Variants in RNF19A observed in about 807,000 individuals in gnomAD.
The protein encoded by RNF19A is ring finger protein 19A, RBR E3 ubiquitin protein ligase.
A neutral mutation model predicts 75.7 loss-of-function variants in RNF19A; 32 were observed. The ratio of observed to expected loss-of-function variants is 0.42; its 90% CI spans 0.32 to 0.57. RNF19A has a LOEUF of 0.57. RNF19A is among the 20% of genes least tolerant of loss of function. RNF19A has a pLI of 0.10. For synonymous variants in RNF19A, 335 were observed against 345.2 expected, an observed-to-expected ratio of 0.97 and a Z score of 0.33; for missense variants, 782 against 1,036.3, an observed-to-expected ratio of 0.75 and a Z score of 3.37.
chr8:100,286,644 T>C lies in RNF19A; in HGVS notation c.674+857A>G, dbSNP rs73282728. 5.1e-3 allele frequency among the ~76,000 whole-genome samples: 783 copies of C among 152,276 alleles called. 10 individuals carry two copies. Among genetic ancestry groups the C allele is most frequent in the African/African-American group, 0.018 (766 of 41,528 alleles). ...TTGATTCAGGTAATGAGTCTTGAAGTTGTAATTTGATAAATGAAACTCACA... is the reference window on the plus strand; with the variant it reads ...TTGATTCAGGTAATGAGTCTTGAAGCTGTAATTTGATAAATGAAACTCACA... On this transcript the variant is annotated intron_variant, in intron 2 of 9. Transcript: ENST00000341084.
intron 7 of RNF19A, among the ~76,000 whole-genome samples, chr8:100,262,558 A>C (rs965266315): frequency 6.6e-6 from 1 of 152,158 alleles, no homozygotes; most frequent in Non-Finnish European, 1.5e-5. Context: ...GCTCAGAGAC[A>C]TAGTTGGGGC....
In RNF19A at chr8:100,275,843, T is replaced by C. The variant is rs753443414; in HGVS notation, c.675-682A>G. 2.5e-4 allele frequency among the ~76,000 whole-genome samples: 38 copies of C among 152,354 alleles called. No homozygotes were observed. The Middle Eastern group carries it at 0.01, about 41-fold the overall frequency. On this transcript the variant is annotated intron_variant, in intron 2 of 9. Transcript: ENST00000341084. This position sits in a 1 kb window ranked among gnomAD's most constrained non-coding sequence, Gnocchi z 4.3. ...TAGGTTAGTTTTAACTGTCAGGTAA[T>C]GGCATACTGTGCCAATTTATAAATT...
Position 100,258,636 on chromosome 8 carries a change from C to T in RNF19A, c.2437G>A (p.Gly813Ser). Residue 813 changes from glycine (G) to serine (S), a missense_variant, in exon 10 of 10, where the codon GGC (glycine) becomes AGC (serine). Gly to Ser is a moderately conservative substitution (Grantham distance 56). This residue lies in a region of RNF19A where 442 missense variants were observed against 541.6 expected (regional missense o/e 0.82). Coordinates refer to ENST00000341084, the MANE Select transcript of RNF19A (RefSeq NM_183419.4). The surrounding 1 kb of genome is among the most constrained non-coding windows in gnomAD (Gnocchi z 4.3). ...GIKPNVDLYF[G>S]DALKETNNNH... ...TTATTTGTTTCTTTTAGTGCATCGC[C>T]AAAATATAAATCAACATTAGGTTTT... The T allele has an allele frequency of 6.2e-7, 1 of 1,613,978 alleles. No individual in the cohort carries two copies. Among genetic ancestry groups the T allele is most frequent in the South Asian group, 1.1e-5 (1 of 91,046 alleles).
In RNF19A at chr8:100,264,052, C is replaced by T; in HGVS notation, c.1450G>A (p.Gly484Arg). Residue 484 changes from glycine to arginine, a missense_variant, in exon 7 of 10, where the codon GGA becomes AGA. Physicochemically the swap from Gly to Arg is moderately radical, Grantham distance 125. This residue lies in a region of RNF19A where 442 missense variants were observed against 541.6 expected (regional missense o/e 0.82). Transcript: ENST00000341084. This position sits in a 1 kb window ranked among gnomAD's most constrained non-coding sequence, Gnocchi z 4.7. Reference protein sequence around the residue: ...FDDENDINVGGTNTAVDTTSV... With the variant: ...FDDENDINVGRTNTAVDTTSV... ...GACTTACCTACAGCTGTGTTAGTTC[C>T]ACCAACATTTATATCATTTTCATCA... is the stretch of plus-strand genomic sequence containing the variant. 6.2e-7 allele frequency: 1 copy of T among 1,613,238 alleles called. No homozygotes were observed. Among genetic ancestry groups the T allele is most frequent in the Non-Finnish European group, 8.5e-7 (1 of 1,179,420 alleles).
intron 1 of RNF19A, chr8:100,309,639 G>C (rs778180954): frequency 8.6e-6 from 8 of 927,152 alleles, no homozygotes; most frequent in Non-Finnish European, 1.0e-5. Context: ...GCCTGGGCCG[G>C]GTAGGGGACC....
intron 1 of RNF19A, among the ~76,000 whole-genome samples, chr8:100,319,751 A>C (rs934786858): frequency 2.0e-5 from 3 of 151,424 alleles, no homozygotes; most frequent in African/African-American, 7.3e-5. Context: ...GCTGGTCTCC[A>C]TCTCCTGACC....
chr8:100,275,131 G>T lies in RNF19A; in HGVS notation c.705C>A (p.Ser235Arg). ...CTCGCCCACAAGTTAATTTTGGACA[G>T]CTGGCACATCCAAATGCTATCACAG... ...GYAVIAFGCA[S>R]CPKLTCGREG... Residue 235 changes from serine (S) to arginine (R), a missense_variant, in exon 3 of 10, where the codon AGC (serine) becomes AGA (arginine). By Grantham distance (110) the Ser-to-Arg change is moderately radical (BLOSUM62 -1). Transcript: ENST00000341084. This position sits in a 1 kb window ranked among gnomAD's most constrained non-coding sequence, Gnocchi z 4.3. 1 of 1,614,116 alleles carries T rather than the reference G, an allele frequency of 6.2e-7. No homozygotes were observed. Among genetic ancestry groups the T allele is most frequent in the Non-Finnish European group, 8.5e-7 (1 of 1,179,992 alleles).
intron 1 of RNF19A, among the ~76,000 whole-genome samples, chr8:100,308,826 G>C (rs891148670): frequency 1.3e-5 from 2 of 152,134 alleles, no homozygotes; most frequent in Non-Finnish European, 2.9e-5. Flanking sequence ...AAATTGCAAC[G>C]GCACTTAAAC....
At chr8:100,283,125 T>C (rs540808709) in intron 2 of RNF19A, among the ~76,000 whole-genome samples, 1 of 152,298 alleles carries the variant, frequency 6.6e-6, no homozygotes, top group East Asian at 1.9e-4. Context: ...TATGTCCCAG[T>C]ATAATAAATG....
Position 100,322,652 on chromosome 8 carries a change from T to C in RNF19A, c.-242-9280A>G, listed in dbSNP as rs2130360442. Among the ~76,000 whole-genome samples the C allele has an allele frequency of 6.6e-6, 1 of 152,372 alleles. No homozygotes were observed. The highest frequency in any genetic ancestry group is 3.4e-3 in the Middle Eastern group (1 of 294). The stretch of plus-strand genomic sequence containing the variant: ...AGCCTATCTCAGCTTTTGGCCTGCC[T>C]TCCTCATTAAGCTTAATCATTTCTT... On this transcript the variant is annotated intron_variant, in intron 1 of 3. Transcript: ENST00000519527. This position sits in a 1 kb window ranked among gnomAD's most constrained non-coding sequence, Gnocchi z 5.1.
Position 100,316,374 on chromosome 8 carries a change from C to T in RNF19A, c.-242-3002G>A, listed in dbSNP as rs567823869. On this transcript the variant is annotated intron_variant, in intron 1 of 3. Coordinates refer to the RNF19A transcript ENST00000519527. ...CCCCAGTGGGTTGCCACTGCTGTCC[C>T]GGGCAGCCTGCTTTTAGTCTCTTAT... is the stretch of plus-strand genomic sequence containing the variant. 2.4e-4 allele frequency among the ~76,000 whole-genome samples: 36 copies of T among 152,224 alleles called. No homozygotes were observed. In the East Asian group the frequency reaches 5.0e-3, roughly 21 times the overall value.
rs1253982380 is a variant in RNF19A, at chr8:100,324,047, G to A, written c.-242-10675C>T. 6.6e-6 allele frequency among the ~76,000 whole-genome samples: 1 copy of A among 152,110 alleles called. No individual in the cohort carries two copies. The highest frequency in any genetic ancestry group is 1.5e-5 in the Non-Finnish European group (1 of 68,010). ...AAAACTTTGTACAATGTATCCCAAG[G>A]ACATGAGGGAAAAACTGAACAATTA... On this transcript the variant is annotated intron_variant, in intron 1 of 3. Coordinates refer to the RNF19A transcript ENST00000519527. This position sits in a 1 kb window ranked among gnomAD's most constrained non-coding sequence, Gnocchi z 4.2.
chr8:100,276,688 G>A lies in RNF19A; in HGVS notation c.675-1527C>T, dbSNP rs1049484892. Among the ~76,000 whole-genome samples, 5 of 148,108 alleles carry A rather than the reference G, an allele frequency of 3.4e-5. No individual in the cohort carries two copies. In the East Asian group the frequency reaches 5.9e-4, roughly 17 times the overall value. On this transcript the variant is annotated intron_variant, in intron 2 of 9. Coordinates refer to ENST00000341084, the MANE Select transcript of RNF19A (RefSeq NM_183419.4). ...AACTGCTTGAACTTGGGAGGCAGACGGAGGCTGCAGTGAGCCAAGATCACA... is the reference window on the plus strand; with the variant it reads ...AACTGCTTGAACTTGGGAGGCAGACAGAGGCTGCAGTGAGCCAAGATCACA...
intron 5 of RNF19A, among the ~76,000 whole-genome samples, chr8:100,265,041 T>A (rs1303577738): frequency 6.6e-6 from 1 of 152,202 alleles, no homozygotes; most frequent in Non-Finnish European, 1.5e-5. Flanking sequence ...AAAGTCATCT[T>A]TATAATCTTA....
rs552921734 is a variant in RNF19A, at chr8:100,324,134, T to C, written c.-242-10762A>G. On this transcript the variant is annotated intron_variant, in intron 1 of 3. Coordinates refer to the RNF19A transcript ENST00000519527. This position sits in a 1 kb window ranked among gnomAD's most constrained non-coding sequence, Gnocchi z 4.2. ...GAAAATTCCCACACACTGAAGCTGC[T>C]ACTATAATTTATTTTTTACAGCGGA... Among the ~76,000 whole-genome samples the C allele has an allele frequency of 6.6e-6, 1 of 152,350 alleles. No individual in the cohort carries two copies. The highest frequency in any genetic ancestry group is 1.5e-5 in the Non-Finnish European group (1 of 68,030).
intron 1 of RNF19A, among the ~76,000 whole-genome samples, chr8:100,306,008 C>T (rs1010765806): frequency 6.6e-6 from 1 of 152,146 alleles, no homozygotes; most frequent in African/African-American, 2.4e-5. Flanking sequence ...AAAAGCTTCT[C>T]CTGGTTTCTT....
At chr8:100,304,976 C>T (rs1472371871) in intron 1 of RNF19A, among the ~76,000 whole-genome samples, 1 of 152,112 alleles carries the variant, frequency 6.6e-6, no homozygotes, top group African/African-American at 2.4e-5. Context: ...TGCTCTGTTG[C>T]TCAGGCTGGA....
chr8:100,308,779 C>CTTA (rs1477761608), intron 1 of RNF19A, among the ~76,000 whole-genome samples: 1 of 152,172 alleles, frequency 6.6e-6, no homozygotes, highest in African/African-American at 2.4e-5. Context: ...TTTACTAACA[C>CTTA]TTAAAATTAG....
Position 100,287,941 on chromosome 8 carries a change from T to A in RNF19A, c.234A>T (p.Lys78Asn). ...GSLFRRKKDN[K>N]RKSRELNGGV... is the part of the protein sequence containing the mutation. ...CGCCATTTAGCTCCCTTGATTTACGTTTGTTATCTTTTTTCCTCCGAAACA... is the reference window on the plus strand; with the variant it reads ...CGCCATTTAGCTCCCTTGATTTACGATTGTTATCTTTTTTCCTCCGAAACA... The change falls in exon 2 of 10, where the codon AAA becomes AAT. Residue 78 changes from lysine to asparagine, a missense_variant. By Grantham distance (94) the Lys-to-Asn change is moderately conservative (BLOSUM62 0). Coordinates refer to ENST00000341084, the MANE Select transcript of RNF19A (RefSeq NM_183419.4). The surrounding 1 kb of genome is among the most constrained non-coding windows in gnomAD (Gnocchi z 4.1). 6.2e-7 allele frequency: 1 copy of A among 1,614,176 alleles called. No individual in the cohort carries two copies.
Sources: allele counts gnomAD v4.1 joint callset (sites outside exome capture counted in the v4.1 genomes callset), GRCh38; gene constraint gnomAD v4.1.1; regional missense constraint gnomAD v4.1.1; non-coding constraint Gnocchi (gnomAD v3.1); transcripts MANE v1.5; gene names NCBI Gene and HGNC (gene_info 2026-07-23, HGNC 2026-07-21).